The following CEP57 variants were observed in gnomAD, a reference collection of about 807,000 sequenced individuals.
CEP57 encodes the protein centrosomal protein 57.
A neutral mutation model predicts 68.0 loss-of-function variants in CEP57; 40 were observed. The ratio of observed to expected loss-of-function variants is 0.59; its 90% CI spans 0.46 to 0.77. The LOEUF is 0.77. Ranked by LOEUF, CEP57 falls within the 30% of genes least tolerant of loss-of-function variation. The pLI is 0.00. For synonymous variants in CEP57, 219 were observed against 198.7 expected (o/e 1.10, Z -0.86); for missense variants, 606 against 580.7 (o/e 1.04, Z -0.45).
intron 1 of CEP57, among the ~76,000 whole-genome samples, chr11:95,791,924 A>T (rs1329826087): frequency 6.6e-6 from 1 of 152,196 alleles, no homozygotes; most frequent in African/African-American, 2.4e-5. Flanking sequence ...ACGTGAAAAA[A>T]GAAGGATGGT....
chr11:95,796,232 T>A, intron 1 of CEP57, among the ~76,000 whole-genome samples: 1 of 152,210 alleles, frequency 6.6e-6, no homozygotes, highest in Non-Finnish European at 1.5e-5. Flanking sequence ...AATATTTGAA[T>A]TATGTGTTCC....
intron 1 of CEP57, among the ~76,000 whole-genome samples, chr11:95,793,092 T>C (rs1463407762): frequency 2.6e-5 from 4 of 152,212 alleles, no homozygotes; most frequent in African/African-American, 7.2e-5. Flanking sequence ...CAAAGATTTT[T>C]AACAAGTAGA....
At chr11:95,802,744 A>C (rs567201219) in intron 2 of CEP57, among the ~76,000 whole-genome samples, 1 of 152,228 alleles carries the variant, frequency 6.6e-6, no homozygotes, top group Admixed American at 6.5e-5. Context: ...ACAGTGAAAA[A>C]AGTGAAGTCT....
intron 10 of CEP57, among the ~76,000 whole-genome samples, chr11:95,829,569 T>C (rs1178419316): frequency 6.6e-6 from 1 of 152,230 alleles, no homozygotes; most frequent in African/African-American, 2.4e-5. Flanking sequence ...TTTAATATTC[T>C]TTATGAATAA....
chr11:95,813,825 A>C (rs914282036), intron 4 of CEP57, among the ~76,000 whole-genome samples: 6 of 152,210 alleles, frequency 3.9e-5, no homozygotes, highest in African/African-American at 1.4e-4. Flanking sequence ...TTTGAAAGTT[A>C]TGTTAGCTTC....
intron 2 of CEP57, among the ~76,000 whole-genome samples, chr11:95,806,790 G>A (rs1219457892): frequency 6.6e-6 from 1 of 152,330 alleles, no homozygotes; most frequent in African/African-American, 2.4e-5. Context: ...TAACCTCTCC[G>A]GGTAGGCCAT....
intron 2 of CEP57, among the ~76,000 whole-genome samples, chr11:95,801,213 A>G (rs1861563165): frequency 6.6e-6 from 1 of 152,204 alleles, no homozygotes; most frequent in South Asian, 2.1e-4. Flanking sequence ...ATGGGTGCTG[A>G]AAAGTGTTTA....
chr11:95,800,013 C>T (rs1346568124), intron 2 of CEP57, among the ~76,000 whole-genome samples: 1 of 152,132 alleles, frequency 6.6e-6, no homozygotes, highest in Non-Finnish European at 1.5e-5. Flanking sequence ...TTCCTGGAAC[C>T]TGCCATCTGT....
chr11:95,815,998 G>A (rs1301256599), intron 4 of CEP57, among the ~76,000 whole-genome samples: 1 of 151,934 alleles, frequency 6.6e-6, no homozygotes, highest in Non-Finnish European at 1.5e-5. Flanking sequence ...TGTATCTGAA[G>A]ATTTTCCTTT....
chr11:95,802,531 G>C (rs1371077295), intron 2 of CEP57, among the ~76,000 whole-genome samples: 1 of 152,158 alleles, frequency 6.6e-6, no homozygotes, highest in Non-Finnish European at 1.5e-5. Flanking sequence ...GGGATTACAG[G>C]TGTGAGCCAC....
At chr11:95,813,207 A>G (rs1222987910) in intron 3 of CEP57, 96 bp downstream of exon 3, 1 of 1,249,350 alleles carries the variant, frequency 8.0e-7, no homozygotes, top group Non-Finnish European at 1.1e-6. Flanking sequence ...TTGTAGCGGT[A>G]TCTTCAAGTA....
At chr11:95,793,632 C>A (rs956169386) in intron 1 of CEP57, among the ~76,000 whole-genome samples, 1 of 152,124 alleles carries the variant, frequency 6.6e-6, no homozygotes, top group Non-Finnish European at 1.5e-5. Flanking sequence ...ATAGGACTAC[C>A]TGGCAAGGCA....
chr11:95,793,572 C>T (rs868026088), intron 1 of CEP57, among the ~76,000 whole-genome samples: 1 of 152,042 alleles, frequency 6.6e-6, no homozygotes, highest in Non-Finnish European at 1.5e-5. Flanking sequence ...TTCTCCTTCC[C>T]ACACCCACCC....
rs566894341 is a variant in CEP57 at position 95,800,015 on chromosome 11, GC to G, written c.202+629del. On this transcript the variant is annotated intron_variant, in intron 2 of 10. Coordinates refer to ENST00000325542, the MANE Select transcript of CEP57 (RefSeq NM_014679.5). ...TGAAATACATTTATTCCTGGAACCT[GC>G]CATCTGTATTAGTTTTCTTGTCGCC... Among the ~76,000 whole-genome samples, 309 of 152,206 alleles carry G rather than the reference GC, an allele frequency of 2.0e-3. 2 individuals are homozygous for G. The highest frequency in any genetic ancestry group is 6.9e-3 in the African/African-American group (287 of 41,516).
At chr11:95,802,589 T>C (rs758248618) in intron 2 of CEP57, among the ~76,000 whole-genome samples, 7 of 152,166 alleles carry the variant, frequency 4.6e-5, no homozygotes, top group Non-Finnish European at 7.3e-5. Flanking sequence ...TCAAGGACAT[T>C]GTGGCTTAGT....
chr11:95,817,863 A>G lies in CEP57; in HGVS notation c.581A>G (p.Gln194Arg), dbSNP rs1467274670. 1.7e-5 allele frequency: 28 copies of G among 1,613,794 alleles called. No individual in the cohort carries two copies. In the East Asian group the frequency reaches 4.2e-4, roughly 24 times the overall value. The change falls in exon 5 of 11, where the codon CAG becomes CGG. Residue 194 changes from glutamine to arginine, a missense_variant. Physicochemically the swap from Gln to Arg is conservative, Grantham distance 43. Coordinates refer to ENST00000325542, the MANE Select transcript of CEP57 (RefSeq NM_014679.5). ...CTTGAAAAATTGGATCTTCTTGAAC[A>G]GGAGTATAACAAACTTACCACAATG... ...SQLEKLDLLEQEYNKLTTMQA... is the reference protein window; with the variant it reads ...SQLEKLDLLEREYNKLTTMQA...
chr11:95,802,259 T>G (rs1451992608), intron 2 of CEP57, among the ~76,000 whole-genome samples: 3 of 150,884 alleles, frequency 2.0e-5, no homozygotes, highest in African/African-American at 7.3e-5. Context: ...GACATGATTT[T>G]TTTTTTTTTT....
intron 2 of CEP57, among the ~76,000 whole-genome samples, chr11:95,801,609 T>G (rs970529915): frequency 6.6e-6 from 1 of 152,014 alleles, no homozygotes; most frequent in Admixed American, 6.5e-5. Flanking sequence ...TCAACTATAA[T>G]ATTGTATCTA....
chr11:95,796,426 G>A (rs978285733), intron 1 of CEP57, among the ~76,000 whole-genome samples: 9 of 152,212 alleles, frequency 5.9e-5, no homozygotes, highest in Admixed American at 3.3e-4. Flanking sequence ...TCCTTTCTAC[G>A]CAGCCTTCCT....
Sources: gnomAD v4.1 joint callset for allele counts (sites outside exome capture counted in the v4.1 genomes callset) on GRCh38, gnomAD v4.1.1 for gene constraint, MANE v1.5 for transcripts, NCBI Gene and HGNC (gene_info 2026-07-23, HGNC 2026-07-21) for gene names.